Variants in APOOL observed in about 807,000 individuals in gnomAD.
APOOL encodes the protein apolipoprotein O like.
Under a neutral mutation model 23.1 loss-of-function variants are expected in APOOL, and 12 were observed. The observed-to-expected ratio is 0.52, with a 90% CI of 0.33 to 0.84. The LOEUF is 0.84. Ranked by LOEUF, APOOL falls within the 40% of genes least tolerant of loss-of-function variation. The pLI, the probability that APOOL is intolerant of heterozygous loss-of-function variation, is 0.02. For synonymous variants in APOOL, 77 were observed against 69.9 expected (o/e 1.10, Z -0.51); for missense variants, 212 against 199.6 (o/e 1.06, Z -0.37).
chrX:85,078,627 G>T (rs997140520), intron 8 of APOOL, among the ~76,000 whole-genome samples: 4 of 111,463 alleles, frequency 3.6e-5, no homozygotes, highest in Admixed American at 2.9e-4. Context: ...ATTCTGTGAA[G>T]AAAGTCATTG....
At chrX:85,078,296 C>G (rs768309809) in intron 8 of APOOL, among the ~76,000 whole-genome samples, 152 of 111,907 alleles carry the variant, frequency 1.4e-3, no homozygotes, top group African/African-American at 4.6e-3. Context: ...CCAGTTTCAG[C>G]TTTCTACATA....
At chrX:85,076,735 T>A (rs1009861356) in intron 8 of APOOL, among the ~76,000 whole-genome samples, 16 of 109,926 alleles carry the variant, frequency 1.5e-4, no homozygotes, top group African/African-American at 5.0e-4. Context: ...TAGGGTGTAC[T>A]GTCCAACTAT....
intron 2 of APOOL, among the ~76,000 whole-genome samples, chrX:85,050,606 C>CA (rs58559539): frequency 0.011 from 678 of 62,036 alleles, 5 homozygotes; most frequent in African/African-American, 0.03. Context: ...AATATAAAAG[C>CA]AAAAAAAAAA....
intron 4 of APOOL, 115 bp downstream of exon 4, chrX:85,054,513 G>A: frequency 3.7e-6 from 2 of 541,583 alleles, no homozygotes; most frequent in Admixed American, 4.8e-5. Context: ...AACTCAGAAG[G>A]TACTCTCTAT....
chrX:85,004,594 G>A (rs1353634571), intron 1 of APOOL, among the ~76,000 whole-genome samples: 1 of 111,777 alleles, frequency 8.9e-6, no homozygotes, highest in East Asian at 2.8e-4. Context: ...AAAATATTCT[G>A]TTAGGCTTGC....
chrX:85,004,900 T>C (rs139331677), intron 1 of APOOL, among the ~76,000 whole-genome samples: 18 of 111,466 alleles, frequency 1.6e-4, no homozygotes, highest in African/African-American at 5.5e-4. Flanking sequence ...ACCTAGACTT[T>C]CCAGCCTCAT....
At chrX:85,044,845 A>G (rs1324667930) in intron 1 of APOOL, among the ~76,000 whole-genome samples, 1 of 111,849 alleles carries the variant, frequency 8.9e-6, no homozygotes, top group Non-Finnish European at 1.9e-5. Flanking sequence ...ATTACATTAT[A>G]TGAAGTAACA....
At chrX:85,063,474 C>T (rs960618869) in intron 5 of APOOL, among the ~76,000 whole-genome samples, 7 of 111,443 alleles carry the variant, frequency 6.3e-5, no homozygotes, top group Non-Finnish European at 1.1e-4. Context: ...AGCCTTTGCC[C>T]ATTCATTATG....
chrX:85,078,783 GTT>G (rs1923961547), intron 8 of APOOL, among the ~76,000 whole-genome samples: 1 of 110,995 alleles, frequency 9.0e-6, no homozygotes, highest in African/African-American at 3.3e-5. Flanking sequence ...GTGGTTTATA[GTT>G]CTGTTGAAGA....
Position 85,017,307 on chromosome X carries a change from C to A in APOOL, c.15+13380C>A, listed in dbSNP as rs371045075. On this transcript the variant is annotated intron_variant, in intron 1 of 8. Coordinates refer to ENST00000373173, the MANE Select transcript of APOOL (RefSeq NM_198450.6). The stretch of plus-strand genomic sequence containing the variant: ...TGGAGTATAGCCAGTAGTGAAAGGA[C>A]TCACCCAGCTCCCATGCATTTGGCG... Among the ~76,000 whole-genome samples, 8 of 111,370 alleles carry A rather than the reference C, an allele frequency of 7.2e-5. No homozygotes were observed. The East Asian group carries it at 1.1e-3, about 16-fold the overall frequency.
chrX:85,038,858 CT>C (rs959099046), intron 1 of APOOL, among the ~76,000 whole-genome samples: 11 of 109,460 alleles, frequency 1.0e-4, no homozygotes, highest in African/African-American at 2.7e-4. Flanking sequence ...AAAAAACCAA[CT>C]TTTTTTTATC....
chrX:85,079,968 G>C (rs1337730074), intron 8 of APOOL, among the ~76,000 whole-genome samples: 3 of 111,352 alleles, frequency 2.7e-5, no homozygotes, highest in East Asian at 2.8e-4. Flanking sequence ...GCATCTATTT[G>C]ATTCTTCTCT....
At chrX:85,072,307 A>G (rs1230340216) in intron 6 of APOOL, among the ~76,000 whole-genome samples, 1 of 111,731 alleles carries the variant, frequency 9.0e-6, no homozygotes, top group African/African-American at 3.3e-5. Context: ...TAAATTTGAC[A>G]AAGATTTAAA....
intron 6 of APOOL, 85 bp from the exon 7 acceptor site, chrX:85,073,913 T>C: frequency 3.1e-6 from 2 of 641,923 alleles, no homozygotes; most frequent in Middle Eastern, 5.4e-4. Context: ...TGAGTGTTCA[T>C]ATAAAATACC....
At position 85,087,659 on chromosome X, in the gene APOOL, T is replaced by C; in HGVS notation, c.788T>C (p.Met263Thr). Reference protein sequence around the residue: ...HGQSHPEDIDMYSTRS With the variant: ...HGQSHPEDIDTYSTRS ...CAGTCCCACCCAGAAGATATAGATA[T>C]GTACAGCACTAGAAGCTGAAGTAGA... is the stretch of plus-strand genomic sequence containing the variant. Residue 263 changes from methionine (M) to threonine (T), a missense_variant, in exon 9 of 9, where the codon ATG becomes ACG. Physicochemically the swap from Met to Thr is moderately conservative, Grantham distance 81 (BLOSUM62 -1). Transcript: ENST00000373173. 8.4e-7 allele frequency: 1 copy of C among 1,193,279 alleles called. No homozygotes were observed. Among genetic ancestry groups the C allele is most frequent in the Non-Finnish European group, 1.1e-6 (1 of 886,014 alleles).
intron 1 of APOOL, among the ~76,000 whole-genome samples, chrX:85,012,052 T>C (rs951654057): frequency 9.0e-6 from 1 of 111,614 alleles, no homozygotes; most frequent in Non-Finnish European, 1.9e-5. Context: ...TGTAGAGATC[T>C]TCCACCTCCT....
At chrX:85,040,459 G>A (rs60362014) in intron 1 of APOOL, among the ~76,000 whole-genome samples, 5,812 of 111,812 alleles carry the variant, frequency 0.052, 346 homozygotes, top group African/African-American at 0.17. Flanking sequence ...GGTTGGGGAC[G>A]TTTTCATGGA....
At chrX:85,027,041 T>C (rs959176110) in intron 1 of APOOL, among the ~76,000 whole-genome samples, 1 of 111,872 alleles carries the variant, frequency 8.9e-6, no homozygotes, top group African/African-American at 3.3e-5. Flanking sequence ...TGACACTGGG[T>C]AATTTATAAA....
intron 1 of APOOL, among the ~76,000 whole-genome samples, chrX:85,014,019 T>C (rs1023916269): frequency 3.6e-5 from 4 of 111,604 alleles, no homozygotes; most frequent in African/African-American, 1.3e-4. Flanking sequence ...TAGGTACATA[T>C]GTGTTTAAGA....
Sources: allele counts gnomAD v4.1 joint callset (sites outside exome capture counted in the v4.1 genomes callset), GRCh38; gene constraint gnomAD v4.1.1; transcripts MANE v1.5; gene names NCBI Gene and HGNC (gene_info 2026-07-23, HGNC 2026-07-21).